FKBP5: variants seen among roughly 807,000 people sequenced by gnomAD.
The protein encoded by FKBP5 is peptidyl-prolyl cis-trans isomerase FKBP5.
A neutral mutation model predicts 50.5 loss-of-function variants in FKBP5; 23 were observed. The ratio of observed to expected loss-of-function variants is 0.46; its 90% CI spans 0.33 to 0.65. The LOEUF is 0.65. FKBP5 is among the 30% of genes least tolerant of loss of function. The probability of loss-of-function intolerance (pLI) is 0.02; values close to 1 mark genes in which losing one functional copy is unlikely to be tolerated. For synonymous variants in FKBP5, 176 were observed against 190.6 expected (o/e 0.92, Z 0.63); for missense variants, 411 against 553.1 (o/e 0.74, Z 2.58).
At chr6:35,626,732 A>C (rs531383295) in intron 3 of FKBP5, among the ~76,000 whole-genome samples, 13 of 152,338 alleles carry the variant, frequency 8.5e-5, no homozygotes, top group Non-Finnish European at 8.8e-5. Context: ...GGAATCAGAC[A>C]GTACTTTTCT....
chr6:35,687,395 C>A (rs1765857580), intron 1 of FKBP5, among the ~76,000 whole-genome samples: 1 of 152,050 alleles, frequency 6.6e-6, no homozygotes, highest in African/African-American at 2.4e-5. Flanking sequence ...AAATTTCCCA[C>A]CAGAATAAGA....
intron 5 of FKBP5, among the ~76,000 whole-genome samples, chr6:35,610,192 G>A (rs1763446590): frequency 6.6e-6 from 1 of 152,122 alleles, no homozygotes; most frequent in Non-Finnish European, 1.5e-5. Context: ...CAGGAAAGTT[G>A]ACTTTAGGAG....
intron 5 of FKBP5, among the ~76,000 whole-genome samples, chr6:35,608,529 TA>T (rs34386515): frequency 6.6e-6 from 1 of 151,972 alleles, no homozygotes; most frequent in African/African-American, 2.4e-5. Context: ...ACCCCGTCTC[TA>T]AAAGGATAAA....
At chr6:35,638,063 A>G (rs1764367458) in intron 2 of FKBP5, among the ~76,000 whole-genome samples, 1 of 152,218 alleles carries the variant, frequency 6.6e-6, no homozygotes, top group Non-Finnish European at 1.5e-5. Context: ...GTTTTCTAGT[A>G]AAGTATTTAA....
At chr6:35,625,593 G>A (rs894946982) in intron 3 of FKBP5, among the ~76,000 whole-genome samples, 3 of 149,306 alleles carry the variant, frequency 2.0e-5, no homozygotes, top group Admixed American at 6.7e-5. Flanking sequence ...AAAATTAGCC[G>A]GGCGTGGTGG....
At chr6:35,682,648 T>C (rs961508979) in intron 1 of FKBP5, among the ~76,000 whole-genome samples, 2 of 152,110 alleles carry the variant, frequency 1.3e-5, no homozygotes, top group Admixed American at 6.5e-5. Flanking sequence ...GATTTGCAAC[T>C]ACAAAAGGGA....
chr6:35,597,093 C>T (rs749700328), intron 6 of FKBP5, among the ~76,000 whole-genome samples, 155 bp downstream of exon 6: 1 of 152,154 alleles, frequency 6.6e-6, no homozygotes, highest in Non-Finnish European at 1.5e-5. Context: ...TATTGTAAGG[C>T]CCATTAATTT....
chr6:35,697,461 C>T (rs1040426085), intron 2 of FKBP5, among the ~76,000 whole-genome samples: 2 of 150,764 alleles, frequency 1.3e-5, no homozygotes, highest in South Asian at 4.2e-4. Flanking sequence ...GCAGGAGAAT[C>T]GCTTGAACCC....
At chr6:35,715,180 G>T (rs1278151684) in intron 2 of FKBP5, among the ~76,000 whole-genome samples, 1 of 152,172 alleles carries the variant, frequency 6.6e-6, no homozygotes, top group Non-Finnish European at 1.5e-5. Context: ...GATTACAGGT[G>T]TGAGCCACTG....
upstream of FKBP5, among the ~76,000 whole-genome samples, chr6:35,693,247 C>A (rs1317895037): frequency 6.8e-6 from 1 of 146,170 alleles, no homozygotes; most frequent in African/African-American, 2.5e-5. Flanking sequence ...ACTGCAAGCT[C>A]CGCCTTCCAG....
At chr6:35,619,761 T>A (rs1356628649) in intron 4 of FKBP5, among the ~76,000 whole-genome samples, 1 of 152,210 alleles carries the variant, frequency 6.6e-6, no homozygotes, top group Non-Finnish European at 1.5e-5. Flanking sequence ...CATAAATTTT[T>A]ATAATATGTA....
At chr6:35,651,576 T>C (rs1325424365) in intron 1 of FKBP5, among the ~76,000 whole-genome samples, 2 of 152,190 alleles carry the variant, frequency 1.3e-5, no homozygotes, top group African/African-American at 4.8e-5. Flanking sequence ...AAAAGTACTG[T>C]TGCAGTTATA....
At chr6:35,592,297 T>C (rs1762845644) in intron 6 of FKBP5, among the ~76,000 whole-genome samples, 1 of 152,176 alleles carries the variant, frequency 6.6e-6, no homozygotes, top group African/African-American at 2.4e-5. Context: ...ACTCAAATTT[T>C]GTTGCTTGCA....
chr6:35,616,266 G>A (rs960884645), intron 5 of FKBP5, among the ~76,000 whole-genome samples: 2 of 131,112 alleles, frequency 1.5e-5, no homozygotes, highest in African/African-American at 2.9e-5. Flanking sequence ...AGTGAGCTGC[G>A]ATAGCATCAC....
intron 2 of FKBP5, 85 bp from the exon 3 acceptor site, chr6:35,637,243 G>T: frequency 8.3e-7 from 1 of 1,203,604 alleles, no homozygotes; most frequent in South Asian, 1.3e-5. Flanking sequence ...TCCATCCCAA[G>T]ACATCCAGGC....
At chr6:35,614,484 TA>T (rs1763583683) in intron 5 of FKBP5, among the ~76,000 whole-genome samples, 6 of 152,102 alleles carry the variant, frequency 3.9e-5, no homozygotes, top group African/African-American at 1.4e-4. Context: ...AACAAATGAA[TA>T]ATTTGTTACA....
chr6:35,598,347 G>A lies in FKBP5; in HGVS notation c.509-943C>T, dbSNP rs147472748. On this transcript the variant is annotated intron_variant, in intron 5 of 10. Transcript: ENST00000357266. ...AAACAATTCTCCTGTCTCAGCCTCCGAAGTAGCTGGGATTACAGGTGTGTG... is the reference window on the plus strand; with the variant it reads ...AAACAATTCTCCTGTCTCAGCCTCCAAAGTAGCTGGGATTACAGGTGTGTG... Among the ~76,000 whole-genome samples, 638 of 152,010 alleles carry A rather than the reference G, an allele frequency of 4.2e-3. 4 individuals carry two copies. Among genetic ancestry groups the A allele is most frequent in the African/African-American group, 0.014 (584 of 41,470 alleles).
At chr6:35,637,228 C>T in intron 2 of FKBP5, 70 bp from the exon 3 acceptor site, 2 of 1,396,456 alleles carry the variant, frequency 1.4e-6, no homozygotes, top group South Asian at 2.5e-5. Flanking sequence ...AAAAAGGTCA[C>T]ACAGTCCATC....
chr6:35,691,175 A>C (rs1046435371), upstream of FKBP5, among the ~76,000 whole-genome samples: 2 of 152,170 alleles, frequency 1.3e-5, no homozygotes, highest in African/African-American at 4.8e-5. Context: ...GGGTTGTGAC[A>C]GATGTCTGCA....
Sources: allele counts gnomAD v4.1 joint callset (sites outside exome capture counted in the v4.1 genomes callset), GRCh38; gene constraint gnomAD v4.1.1; transcripts MANE v1.5; gene names NCBI Gene and HGNC (gene_info 2026-07-23, HGNC 2026-07-21).